Variants in CCAR1 observed in about 807,000 individuals in gnomAD.
CCAR1 encodes the protein cell division cycle and apoptosis regulator protein 1.
Under a neutral mutation model 163.8 loss-of-function variants are expected in CCAR1, and 78 were observed. The ratio of observed to expected loss-of-function variants is 0.48; its 90% CI spans 0.40 to 0.57. CCAR1 has a LOEUF of 0.57. Among genes scored for constraint, CCAR1 ranks in the 20% least tolerant of loss-of-function variants. The pLI is 0.00. For missense variants in CCAR1, 1,019 were observed against 1,365.2 expected, an observed-to-expected ratio of 0.75 and a Z score of 4.00; for synonymous variants, 443 against 460.7, an observed-to-expected ratio of 0.96 and a Z score of 0.49.
intron 3 of CCAR1, among the ~76,000 whole-genome samples, chr10:68,737,295 G>A (rs376716948): frequency 3.6e-4 from 54 of 152,056 alleles, no homozygotes; most frequent in African/African-American, 1.2e-3. Context: ...GTCTGAGCCC[G>A]GGAATTTGAG....
intron 10 of CCAR1, among the ~76,000 whole-genome samples, chr10:68,750,755 C>T (rs1203305697): frequency 6.6e-6 from 1 of 152,094 alleles, no homozygotes; most frequent in African/African-American, 2.4e-5. Context: ...GTGTTCAGGG[C>T]TGTTTAGCCT....
chr10:68,777,942 C>A (rs760688097), intron 19 of CCAR1, among the ~76,000 whole-genome samples: 1 of 151,918 alleles, frequency 6.6e-6, no homozygotes. Flanking sequence ...AAAAGAAGGC[C>A]GGGTGCGGTG....
At chr10:68,780,035 T>C (rs2056716894) in intron 19 of CCAR1, among the ~76,000 whole-genome samples, 1 of 152,190 alleles carries the variant, frequency 6.6e-6, no homozygotes, top group Non-Finnish European at 1.5e-5. Flanking sequence ...GATGAATAAA[T>C]ACTACTTGAA....
At chr10:68,765,518 AT>A (rs2056525099) in intron 16 of CCAR1, among the ~76,000 whole-genome samples, 2 of 152,052 alleles carry the variant, frequency 1.3e-5, no homozygotes, top group African/African-American at 4.8e-5. Context: ...TTTGATTTTT[AT>A]ATCTATATTG....
intron 5 of CCAR1, among the ~76,000 whole-genome samples, chr10:68,741,340 C>T (rs192344693): frequency 6.6e-6 from 1 of 152,282 alleles, no homozygotes; most frequent in East Asian, 1.9e-4. Context: ...GTGACATTAT[C>T]TGCTTAATTT....
At chr10:68,775,576 C>G in intron 19 of CCAR1, among the ~76,000 whole-genome samples, 1 of 148,068 alleles carries the variant, frequency 6.8e-6, no homozygotes, top group Admixed American at 6.9e-5. Context: ...GTGGCACAGT[C>G]TCGGCTCACT....
chr10:68,771,147 T>C, intron 17 of CCAR1, 59 bp from the exon 18 acceptor site: 4 of 1,440,506 alleles, frequency 2.8e-6, no homozygotes, highest in Non-Finnish European at 3.8e-6. Flanking sequence ...TAAATTACTC[T>C]GCTAGCTTTA....
chr10:68,745,327 A>T (rs781425011), intron 6 of CCAR1, among the ~76,000 whole-genome samples: 2 of 150,868 alleles, frequency 1.3e-5, no homozygotes, highest in African/African-American at 4.9e-5. Context: ...ATTTTTTGAG[A>T]TGGGGTCTCT....
Position 68,736,955 on chromosome 10 carries a change from A to C in CCAR1, c.153A>C (p.Ala51=). The change falls in exon 3 of 25, where the codon GCA becomes GCC. Residue 51 remains alanine (A), a synonymous_variant. Transcript: ENST00000265872. Reference sequence around the variant, plus strand: ...CACAGCAAACTGCATTGGCAGCAGCAGGCCTTACCACACAAACTCCAGCAA... The same window carrying C: ...CACAGCAAACTGCATTGGCAGCAGCCGGCCTTACCACACAAACTCCAGCAA... ...IYTQQTALAA[A]GLTTQTPANY... is the part of the protein sequence containing the mutation. 6.2e-7 allele frequency: 1 copy of C among 1,614,072 alleles called. No individual in the cohort carries two copies. Among genetic ancestry groups the C allele is most frequent in the Non-Finnish European group, 8.5e-7 (1 of 1,179,922 alleles).
At chr10:68,721,563 A>G (rs979343165) in intron 1 of CCAR1, 1 of 448,964 alleles carries the variant, frequency 2.2e-6, no homozygotes, top group Non-Finnish European at 4.5e-6. Context: ...CCGCCGCCCC[A>G]TTGCTCCCGA....
intron 8 of CCAR1, among the ~76,000 whole-genome samples, chr10:68,748,149 C>T (rs552178482): frequency 2.0e-5 from 3 of 152,278 alleles, no homozygotes; most frequent in African/African-American, 4.8e-5. Context: ...CCGCTGCACC[C>T]GGTCCAGACG....
At chr10:68,722,288 G>C (rs2055870439) in intron 1 of CCAR1, among the ~76,000 whole-genome samples, 167 bp from the exon 2 acceptor site, 2 of 152,070 alleles carry the variant, frequency 1.3e-5, no homozygotes, top group African/African-American at 2.4e-5. Context: ...AAATGTTTTT[G>C]CTGCATTTTG....
intron 8 of CCAR1, among the ~76,000 whole-genome samples, chr10:68,748,157 A>G (rs1045425919): frequency 2.0e-5 from 3 of 152,190 alleles, no homozygotes; most frequent in Non-Finnish European, 4.4e-5. Flanking sequence ...CCCGGTCCAG[A>G]CGTGTTCTTA....
At chr10:68,780,482 C>T (rs2056722794) in intron 19 of CCAR1, among the ~76,000 whole-genome samples, 1 of 152,226 alleles carries the variant, frequency 6.6e-6, no homozygotes, top group African/African-American at 2.4e-5. Flanking sequence ...TATGAACCAC[C>T]ACACCCAGCC....
intron 2 of CCAR1, among the ~76,000 whole-genome samples, chr10:68,735,326 G>A (rs1352043209): frequency 2.0e-5 from 3 of 149,494 alleles, no homozygotes; most frequent in Non-Finnish European, 4.4e-5. Flanking sequence ...TTCAGCCTTA[G>A]TGACAAAGTG....
At position 68,781,382 on chromosome 10, in the gene CCAR1, A is replaced by G. The variant is rs549577988; in HGVS notation, c.2651-4754A>G. Among the ~76,000 whole-genome samples, 4 of 151,960 alleles carry G rather than the reference A, an allele frequency of 2.6e-5. No homozygotes were observed. The East Asian group carries it at 7.8e-4, about 29-fold the overall frequency. The stretch of plus-strand genomic sequence containing the variant: ...ACATGGTAAAACTCCGTCTCTACTA[A>G]AAATACAAAAATTAGCCGGGCGTGG... On this transcript the variant is annotated intron_variant, in intron 19 of 24. Transcript: ENST00000265872.
In CCAR1 at chr10:68,786,144, G is replaced by A; in HGVS notation, c.2659G>A (p.Glu887Lys). Residue 887 changes from glutamate to lysine, a missense_variant, in exon 20 of 25, where the codon GAG becomes AAG. Physicochemically the swap from Glu to Lys is moderately conservative, Grantham distance 56 (BLOSUM62 1). Around this residue, in one of 4 missense-constraint regions of CCAR1, gnomAD observed 358 missense variants for 406.4 expected, o/e 0.88. Coordinates refer to ENST00000265872, the MANE Select transcript of CCAR1 (RefSeq NM_018237.4). ...EAEDEEDDRD[E>K]EEMTKRDDKR... ...TTATATTTATTTTACAGATAGGGAT[G>A]AGGAAGAAATGACCAAACGAGATGA... 3.1e-6 allele frequency: 5 copies of A among 1,609,696 alleles called. No homozygotes were observed. The highest frequency in any genetic ancestry group is 4.2e-6 in the Non-Finnish European group (5 of 1,176,506).
chr10:68,780,166 A>G (rs1474001433), intron 19 of CCAR1, among the ~76,000 whole-genome samples: 3 of 152,240 alleles, frequency 2.0e-5, no homozygotes, highest in Non-Finnish European at 4.4e-5. Context: ...ATCATCAAAA[A>G]TAAGTAAATG....
In CCAR1 at chr10:68,757,297, GAAGAA is replaced by G. The variant is rs761332316; in HGVS notation, c.1841_1845del (p.Glu614GlyfsTer4). Reference sequence around the variant, plus strand: ...CATTCTTAACTTTGTATGTCAGGATGAAGAAGAGAAGGATGATGGTGAAGCTAAAG... The same window carrying G: ...CATTCTTAACTTTGTATGTCAGGATGGAGAAGGATGATGGTGAAGCTAAAG... On this transcript the variant is annotated frameshift_variant, in exon 15 of 25. Coordinates refer to ENST00000265872, the MANE Select transcript of CCAR1 (RefSeq NM_018237.4). LOFTEE classifies it high-confidence loss of function. 6.6e-7 allele frequency: 1 copy of G among 1,511,684 alleles called. No individual in the cohort carries two copies. Among genetic ancestry groups the G allele is most frequent in the Non-Finnish European group, 9.2e-7 (1 of 1,089,682 alleles). 93.6% of individuals were successfully genotyped at this position (1,511,684 alleles called of 1,614,324 possible).
Sources: gnomAD v4.1 joint callset for allele counts (sites outside exome capture counted in the v4.1 genomes callset) on GRCh38, gnomAD v4.1.1 for gene constraint, gnomAD v4.1.1 regional missense constraint, MANE v1.5 for transcripts, NCBI Gene and HGNC (gene_info 2026-07-23, HGNC 2026-07-21) for gene names.